The following PTPRN2 variants were observed in gnomAD, a reference collection of about 807,000 sequenced individuals.
PTPRN2 encodes the protein protein tyrosine phosphatase receptor type N2.
In PTPRN2, 74 loss-of-function variants were observed where a neutral mutation model predicts 118.8. The ratio of observed to expected loss-of-function variants is 0.62; its 90% CI spans 0.52 to 0.76. PTPRN2 has a LOEUF of 0.76. PTPRN2 is among the 30% of genes least tolerant of loss of function. PTPRN2 has a pLI of 0.00. For synonymous variants in PTPRN2, 641 were observed against 608.0 expected (o/e 1.05, Z -0.80); for missense variants, 1,481 against 1,394.4 (o/e 1.06, Z -0.99).
At chr7:157,584,162 G>A (rs1320980488) in intron 17 of PTPRN2, among the ~76,000 whole-genome samples, 1 of 152,112 alleles carries the variant, frequency 6.6e-6, no homozygotes, top group Non-Finnish European at 1.5e-5. Flanking sequence ...AACTGAAATA[G>A]TGAAACGCCA....
At chr7:157,612,350 C>T (rs1002434138) in intron 15 of PTPRN2, among the ~76,000 whole-genome samples, 1 of 152,236 alleles carries the variant, frequency 6.6e-6, no homozygotes, top group African/African-American at 2.4e-5. Context: ...AGAGGCCGTC[C>T]ATCGACACTG....
intron 12 of PTPRN2, among the ~76,000 whole-genome samples, chr7:157,697,763 ACT>A (rs1797871739): frequency 7.0e-6 from 1 of 142,336 alleles, no homozygotes; most frequent in Admixed American, 7.0e-5. Flanking sequence ...ACCCATGCAT[ACT>A]GGATCTTGGC....
rs1331550350 is a variant in PTPRN2, at chr7:158,561,081, G to A, written c.112+26477C>T. 2.0e-5 allele frequency among the ~76,000 whole-genome samples: 3 copies of A among 152,228 alleles called. No homozygotes were observed. The East Asian group carries it at 5.8e-4, about 29-fold the overall frequency. On this transcript the variant is annotated intron_variant, in intron 1 of 22. Coordinates refer to ENST00000389418, the MANE Select transcript of PTPRN2 (RefSeq NM_002847.5). ...ATCGGGAGCCCTGTTTCTAATTTTA[G>A]TGAAGTCTTCCACCCTTGATCTTGA... is the stretch of plus-strand genomic sequence containing the variant.
At chr7:158,154,262 T>G (rs554233467) in intron 6 of PTPRN2, among the ~76,000 whole-genome samples, 4 of 152,186 alleles carry the variant, frequency 2.6e-5, no homozygotes, top group African/African-American at 9.7e-5. Context: ...TTCACCACAG[T>G]TGGGACTCGG....
At chr7:158,395,993 C>A (rs953888905) in intron 2 of PTPRN2, among the ~76,000 whole-genome samples, 1 of 152,084 alleles carries the variant, frequency 6.6e-6, no homozygotes, top group Non-Finnish European at 1.5e-5. Flanking sequence ...AGTCCCGCCG[C>A]GACCCATGGG....
In PTPRN2 at chr7:158,129,013, CTA is replaced by C. The variant is rs202163413; in HGVS notation, c.1556+4662_1556+4663del. On this transcript the variant is annotated intron_variant, in intron 9 of 22. Transcript: ENST00000389418. ...AACACACACCACACCATGCAACACACTATGTGCCACACACACCACATATACAA... is the reference window on the plus strand; with the variant it reads ...AACACACACCACACCATGCAACACACTGTGCCACACACACCACATATACAA... Among the ~76,000 whole-genome samples the C allele has an allele frequency of 3.5e-3, 525 of 151,926 alleles. 8 individuals are homozygous for C. Among genetic ancestry groups the C allele is most frequent in the East Asian group, 3.3e-3 (17 of 5,158 alleles).
intron 12 of PTPRN2, among the ~76,000 whole-genome samples, chr7:157,846,945 T>A (rs71543614): frequency 2.2e-3 from 238 of 107,962 alleles, no homozygotes; most frequent in East Asian, 5.0e-3. Flanking sequence ...CTCTCACTCC[T>A]TCATGTGTGC....
At chr7:157,701,896 G>A (rs923712700) in intron 12 of PTPRN2, among the ~76,000 whole-genome samples, 2 of 147,668 alleles carry the variant, frequency 1.4e-5, no homozygotes, top group African/African-American at 5.1e-5. Flanking sequence ...AAGAGAGCCG[G>A]GTAGGTGCTG....
At chr7:157,888,932 T>A (rs983974322) in intron 12 of PTPRN2, among the ~76,000 whole-genome samples, 1 of 152,210 alleles carries the variant, frequency 6.6e-6, no homozygotes, top group African/African-American at 2.4e-5. Flanking sequence ...GGTTTTGCCA[T>A]AATTGGCTTT....
rs147462603 is a variant in PTPRN2, at chr7:158,132,848, ACAC to A, written c.1556+826_1556+828del. Reference sequence around the variant, plus strand: ...ACCCAACATACACACTCATACACACACACACCTACCCAACATACACTCATATAC... The same window carrying A: ...ACCCAACATACACACTCATACACACAACCTACCCAACATACACTCATATAC... On this transcript the variant is annotated intron_variant, in intron 9 of 22. Transcript: ENST00000389418. Among the ~76,000 whole-genome samples the A allele has an allele frequency of 3.2e-3, 465 of 146,734 alleles. 12 individuals carry two copies. The East Asian group carries it at 0.077, about 24-fold the overall frequency.
chr7:158,032,340 C>G (rs1395253723), intron 11 of PTPRN2, among the ~76,000 whole-genome samples: 3 of 152,190 alleles, frequency 2.0e-5, no homozygotes, highest in African/African-American at 7.2e-5. Flanking sequence ...CAGCCCCTGG[C>G]CCTCTCCTGC....
intron 2 of PTPRN2, among the ~76,000 whole-genome samples, chr7:158,407,719 G>C (rs938756481): frequency 6.6e-6 from 1 of 151,730 alleles, no homozygotes; most frequent in Non-Finnish European, 1.5e-5. Flanking sequence ...TGCGTCCTGG[G>C]TCCTGGATTG....
At chr7:158,249,077 A>C (rs7384341) in intron 3 of PTPRN2, among the ~76,000 whole-genome samples, 1 of 150,846 alleles carries the variant, frequency 6.6e-6, no homozygotes, top group African/African-American at 2.4e-5. Context: ...CACATACACC[A>C]CACACACCAC....
At chr7:158,532,548 T>C (rs1248982982) in intron 1 of PTPRN2, among the ~76,000 whole-genome samples, 1 of 152,066 alleles carries the variant, frequency 6.6e-6, no homozygotes, top group African/African-American at 2.4e-5. Flanking sequence ...TGCGTTATAA[T>C]AAAGTTGCTA....
intron 10 of PTPRN2, among the ~76,000 whole-genome samples, chr7:158,085,268 CCACA>C (rs1425100486): frequency 1.5e-5 from 2 of 136,362 alleles, no homozygotes; most frequent in African/African-American, 2.9e-5. Flanking sequence ...TGACACCCAT[CCACA>C]CAGATACCCA....
rs187213578 is a variant in PTPRN2 at position 158,001,833 on chromosome 7, C to T, written c.1723+79465G>A. On this transcript the variant is annotated intron_variant, in intron 11 of 22. Coordinates refer to ENST00000389418, the MANE Select transcript of PTPRN2 (RefSeq NM_002847.5). ...TGGCTGTTGTGCCCTCACCCGGAAC[C>T]GTGCCAGGCACCGAGGAGGTGCTCA... Among the ~76,000 whole-genome samples, 56 of 152,338 alleles carry T rather than the reference C, an allele frequency of 3.7e-4. 2 individuals are homozygous for T. The highest frequency in any genetic ancestry group is 3.5e-3 in the Admixed American group (53 of 15,312).
intron 6 of PTPRN2, among the ~76,000 whole-genome samples, chr7:158,164,504 GCGTAGGGAGGGCT>G (rs1563543242): frequency 6.7e-6 from 1 of 148,510 alleles, no homozygotes; most frequent in Non-Finnish European, 1.5e-5. Context: ...GGGAGCGCGC[GCGTAGGGAGGGCT>G]CAGAGCGGGA....
intron 1 of PTPRN2, among the ~76,000 whole-genome samples, chr7:158,584,938 G>C (rs2129452918): frequency 6.6e-6 from 1 of 152,354 alleles, no homozygotes; most frequent in East Asian, 1.9e-4. Flanking sequence ...TGACGTAACA[G>C]AGGAGCAAAA....
Position 157,808,981 on chromosome 7 carries a change from C to T in PTPRN2, c.1788+89692G>A, listed in dbSNP as rs1805803359. On this transcript the variant is annotated intron_variant, in intron 12 of 22. Coordinates refer to ENST00000389418, the MANE Select transcript of PTPRN2 (RefSeq NM_002847.5). This position sits in a 1 kb window ranked among gnomAD's most constrained non-coding sequence, Gnocchi z 5.0. ...CAGTTCTTAAAACTTTATTTTAATG[C>T]ACACGTTCAGTCCCTGCAGCACCTC... Among the ~76,000 whole-genome samples the T allele has an allele frequency of 6.6e-6, 1 of 151,370 alleles. No individual in the cohort carries two copies. Among genetic ancestry groups the T allele is most frequent in the Admixed American group, 6.6e-5 (1 of 15,216 alleles).
Sources: allele counts gnomAD v4.1 joint callset (sites outside exome capture counted in the v4.1 genomes callset), GRCh38; gene constraint gnomAD v4.1.1; non-coding constraint Gnocchi (gnomAD v3.1); transcripts MANE v1.5; gene names NCBI Gene and HGNC (gene_info 2026-07-23, HGNC 2026-07-21).